Variants in ELOVL6 observed in about 807,000 individuals in gnomAD.
ELOVL6 encodes the protein very long chain fatty acid elongase 6.
A neutral mutation model predicts 31.7 loss-of-function variants in ELOVL6; 8 were observed. The observed-to-expected ratio is 0.25, with a 90% confidence interval of 0.15 to 0.45. The LOEUF (loss-of-function observed/expected upper bound fraction) is 0.45, where lower values mean the gene tolerates loss of function less well. ELOVL6 is among the 20% of genes least tolerant of loss of function. ELOVL6 has a pLI of 1.00. For synonymous variants in ELOVL6, 101 were observed against 117.7 expected, an observed-to-expected ratio of 0.86 and a Z score of 0.92; for missense variants, 126 against 326.4, an observed-to-expected ratio of 0.39 and a Z score of 4.73.
In ELOVL6 at chr4:110,051,255, A is replaced by G; in HGVS notation, c.*83T>C. 1.4e-6 allele frequency: 2 copies of G among 1,406,418 alleles called. No homozygotes were observed. Among genetic ancestry groups the G allele is most frequent in the Non-Finnish European group, 2.0e-6 (2 of 1,021,858 alleles). The allele number at this position is 1,406,418 out of a possible 1,614,324, so 87.1% of individuals were successfully genotyped here. A position where few individuals can be genotyped will look rare whatever the true frequency, so the allele number is the denominator to read the frequency against. On this transcript the variant is annotated 3_prime_UTR_variant, in exon 4 of 4. Coordinates refer to ENST00000302274, the MANE Select transcript of ELOVL6 (RefSeq NM_024090.3). This position sits in a 1 kb window ranked among gnomAD's most constrained non-coding sequence, Gnocchi z 4.8. ...TGTTTTGTTTTGTTTTAGCTGCACC[A>G]CGTGTGATTCCTTGTGCCATTTTCT...
chr4:110,081,502 C>G (rs1755850307), intron 2 of ELOVL6, among the ~76,000 whole-genome samples: 1 of 152,078 alleles, frequency 6.6e-6, no homozygotes, highest in African/African-American at 2.4e-5. Context: ...AAAGGATTCC[C>G]TATTTAATAA....
At chr4:110,132,657 A>C (rs555461230) in intron 1 of ELOVL6, among the ~76,000 whole-genome samples, 8 of 151,920 alleles carry the variant, frequency 5.3e-5, no homozygotes, top group Non-Finnish European at 1.2e-4. Context: ...TGAAACCCCC[A>C]AAAATACAAA....
At position 110,195,220 on chromosome 4, in the gene ELOVL6, C is replaced by T. The variant is rs1759736399; in HGVS notation, c.89+3027G>A. ...TTAATTTGAACCTCCCGGGTTCAAGCAATTCTCCTGCCTCAACCTCCCGAG... is the reference window on the plus strand; with the variant it reads ...TTAATTTGAACCTCCCGGGTTCAAGTAATTCTCCTGCCTCAACCTCCCGAG... On this transcript the variant is annotated intron_variant, in intron 1 of 3. Coordinates refer to ENST00000302274, the MANE Select transcript of ELOVL6 (RefSeq NM_024090.3). 2.0e-5 allele frequency among the ~76,000 whole-genome samples: 3 copies of T among 152,136 alleles called. No individual in the cohort carries two copies. The South Asian group carries it at 6.2e-4, about 32-fold the overall frequency.
intron 1 of ELOVL6, among the ~76,000 whole-genome samples, chr4:110,178,671 T>A (rs1476746221): frequency 6.6e-6 from 1 of 151,962 alleles, no homozygotes; most frequent in Non-Finnish European, 1.5e-5. Context: ...CTGGGCAACA[T>A]AGTGAGACCT....
intron 2 of ELOVL6, among the ~76,000 whole-genome samples, chr4:110,077,781 A>T (rs1403658294): frequency 1.3e-5 from 2 of 152,210 alleles, no homozygotes; most frequent in Non-Finnish European, 2.9e-5. Context: ...TCAGACGATC[A>T]AACTACTCCG....
At chr4:110,158,490 C>T (rs1468203800) in intron 1 of ELOVL6, among the ~76,000 whole-genome samples, 2 of 148,366 alleles carry the variant, frequency 1.3e-5, no homozygotes, top group Non-Finnish European at 3.0e-5. Context: ...CCCGAGGGCA[C>T]GATCAGTCAA....
intron 2 of ELOVL6, among the ~76,000 whole-genome samples, chr4:110,099,872 G>A (rs1385368120): frequency 1.3e-5 from 2 of 152,154 alleles, no homozygotes; most frequent in African/African-American, 4.8e-5. Flanking sequence ...GAAGAACAGG[G>A]GATAGGCACC....
chr4:110,064,078 C>CAAAA (rs34104506), intron 2 of ELOVL6, among the ~76,000 whole-genome samples: 4 of 103,284 alleles, frequency 3.9e-5, no homozygotes, highest in Non-Finnish European at 4.6e-5. Flanking sequence ...AACTCTGTCT[C>CAAAA]AAAAAAAAAA....
rs73839578 is a variant in ELOVL6, at chr4:110,126,903, T to C, written c.90-21275A>G. ...TTGATTTCCTATCTCAAAGATAACA[T>C]CACTTTGATAACATGCATATCAAAA... On this transcript the variant is annotated intron_variant, in intron 1 of 3. Transcript: ENST00000302274. Among the ~76,000 whole-genome samples, 389 of 152,072 alleles carry C rather than the reference T, an allele frequency of 2.6e-3. 4 individuals are homozygous for C. The highest frequency in any genetic ancestry group is 8.6e-3 in the African/African-American group (356 of 41,456).
intron 1 of ELOVL6, among the ~76,000 whole-genome samples, chr4:110,166,235 G>C (rs1427872269): frequency 6.6e-6 from 1 of 152,064 alleles, no homozygotes; most frequent in Non-Finnish European, 1.5e-5. Context: ...GTTGTCTTTG[G>C]GCTAGGACCT....
chr4:110,132,948 A>C (rs1757710000), intron 1 of ELOVL6, among the ~76,000 whole-genome samples: 1 of 152,172 alleles, frequency 6.6e-6, no homozygotes, highest in South Asian at 2.1e-4. Flanking sequence ...GGACATAGAA[A>C]TATCAGGGCT....
chr4:110,050,161 T>C lies in ELOVL6; in HGVS notation c.*1177A>G, dbSNP rs555547853. The C allele has an allele frequency of 2.0e-5, 3 of 152,696 alleles. No homozygotes were observed. Among genetic ancestry groups the C allele is most frequent in the Non-Finnish European group, 4.4e-5 (3 of 68,020 alleles). The allele number at this position is 152,696 out of a possible 1,614,324, so 9.5% of individuals were successfully genotyped here. A position where few individuals can be genotyped will look rare whatever the true frequency, so the allele number is the denominator to read the frequency against. ...GCCCTTTAAACACCTCTACATTGCT[T>C]GGGGAGCAAATGCAGATGATGCAGA... On this transcript the variant is annotated 3_prime_UTR_variant, in exon 4 of 4. Transcript: ENST00000302274.
At position 110,105,636 on chromosome 4, in the gene ELOVL6, C is replaced by G; in HGVS notation, c.90-8G>C. 6.2e-7 allele frequency: 1 copy of G among 1,606,902 alleles called. No homozygotes were observed. The highest frequency in any genetic ancestry group is 2.2e-5 in the East Asian group (1 of 44,736). On this transcript the variant is annotated splice_polypyrimidine_tract_variant and splice_region_variant and intron_variant, in intron 1 of 3. Coordinates refer to ENST00000302274, the MANE Select transcript of ELOVL6 (RefSeq NM_024090.3). ...AACAGGAAAGATTTCTTCCTGCAAA[C>G]AAGCAAACAAAATCTTTAAGATATT... is the stretch of plus-strand genomic sequence containing the variant.
chr4:110,069,464 C>G (rs1265173167), intron 2 of ELOVL6, among the ~76,000 whole-genome samples: 5 of 152,154 alleles, frequency 3.3e-5, no homozygotes, highest in African/African-American at 1.2e-4. Context: ...TCAATGCTGG[C>G]TGACCAGTAC....
rs1315678004 is a variant in ELOVL6, at chr4:110,084,061, T to C, written c.221+21436A>G. Among the ~76,000 whole-genome samples, 2 of 95,086 alleles carry C rather than the reference T, an allele frequency of 2.1e-5. 1 individual carries two copies. The highest frequency in any genetic ancestry group is 6.7e-4 in the East Asian group (2 of 2,964). 62.4% of individuals were successfully genotyped at this position (95,086 alleles called of 152,430 possible). A position where few individuals can be genotyped will look rare whatever the true frequency, so the allele number is the denominator to read the frequency against. On this transcript the variant is annotated intron_variant, in intron 2 of 3. Transcript: ENST00000302274. ...TATATAACACATGCTATATATGATATATAACATATATATGCTATATATGAT... is the reference window on the plus strand; with the variant it reads ...TATATAACACATGCTATATATGATACATAACATATATATGCTATATATGAT...
At chr4:110,169,392 C>A (rs1437725883) in intron 1 of ELOVL6, among the ~76,000 whole-genome samples, 3 of 151,974 alleles carry the variant, frequency 2.0e-5, no homozygotes, top group Non-Finnish European at 4.4e-5. Context: ...GTGCCTAACA[C>A]CATGCCCAGC....
At chr4:110,084,378 T>TATATCATATGTG (rs1231605632) in intron 2 of ELOVL6, among the ~76,000 whole-genome samples, 1 of 46,662 alleles carries the variant, frequency 2.1e-5, no homozygotes, top group African/African-American at 7.2e-5. Flanking sequence ...TGATATATGA[T>TATATCATATGTG]ATATATCGCA....
chr4:110,084,227 TATATATAAC>T (rs1371873711), intron 2 of ELOVL6, among the ~76,000 whole-genome samples: 2 of 100,060 alleles, frequency 2.0e-5, no homozygotes, highest in African/African-American at 4.9e-5. Context: ...ACTTATATGA[TATATATAAC>T]ATATATGATA....
intron 2 of ELOVL6, among the ~76,000 whole-genome samples, chr4:110,065,256 T>C (rs979346393): frequency 6.6e-6 from 1 of 152,210 alleles, no homozygotes; most frequent in Non-Finnish European, 1.5e-5. Flanking sequence ...CAGGTTTTAT[T>C]TTTTCTTGTG....
Sources: gnomAD v4.1 joint callset for allele counts (sites outside exome capture counted in the v4.1 genomes callset) on GRCh38, gnomAD v4.1.1 for gene constraint, Gnocchi (gnomAD v3.1) non-coding constraint, MANE v1.5 for transcripts, NCBI Gene and HGNC (gene_info 2026-07-23, HGNC 2026-07-21) for gene names.